Variants in CNGB1 observed in about 807,000 individuals in gnomAD.
CNGB1 encodes the protein cyclic nucleotide-gated channel beta-1.
CNGB1 carries 126 observed loss-of-function variants against 151.7 expected under a neutral mutation model. The ratio of observed to expected loss-of-function variants is 0.83; its 90% CI spans 0.72 to 0.96. The LOEUF is 0.96. CNGB1 is among the 40% of genes least tolerant of loss of function. The probability of loss-of-function intolerance (pLI) is 0.00; values close to 1 mark genes in which losing one functional copy is unlikely to be tolerated. For missense variants in CNGB1, 1,698 were observed against 1,627.0 expected, an observed-to-expected ratio of 1.04 and a Z score of -0.75; for synonymous variants, 623 against 635.1, an observed-to-expected ratio of 0.98 and a Z score of 0.29.
At position 57,912,995 on chromosome 16, in the gene CNGB1, C is replaced by T. The variant is rs767311166; in HGVS notation, c.2305-1G>A. On this transcript the variant is annotated splice_acceptor_variant, in intron 23 of 32. Coordinates refer to ENST00000251102, the MANE Select transcript of CNGB1 (RefSeq NM_001297.5). LOFTEE classifies it high-confidence loss of function. ...TGTTAAACTCGAAGAAGGCCATGTA[C>T]TGGAGGGAGAGGAGGGCGTGAGAGC... The T allele has an allele frequency of 5.6e-6, 9 of 1,613,746 alleles. No individual in the cohort carries two copies. Among genetic ancestry groups the T allele is most frequent in the East Asian group, 2.2e-5 (1 of 44,888 alleles).
At chr16:57,931,398 A>G (rs1192541567) in intron 17 of CNGB1, among the ~76,000 whole-genome samples, 1 of 152,048 alleles carries the variant, frequency 6.6e-6, no homozygotes, top group Non-Finnish European at 1.5e-5. Flanking sequence ...CAAACGATCC[A>G]CCCACCTCAG....
In CNGB1 at chr16:57,940,263, C is replaced by G. The variant is rs564874122; in HGVS notation, c.1180G>C (p.Gly394Arg). ...TCTGAAGTGCTCTGGGGCCGGGTCC[C>G]GTCTTCTTCACTCTGGCCCACGCCC... Reference protein sequence around the residue: ...QVGVGQSEEDGTRPQSTSDQK... With the variant: ...QVGVGQSEEDRTRPQSTSDQK... The change falls in exon 15 of 33, where the codon GGG becomes CGG. Residue 394 changes from glycine to arginine, a missense_variant. Coordinates refer to ENST00000251102, the MANE Select transcript of CNGB1 (RefSeq NM_001297.5). 9 of 1,577,580 alleles carry G rather than the reference C, an allele frequency of 5.7e-6. No homozygotes were observed. In the South Asian group the frequency reaches 9.3e-5, roughly 16 times the overall value.
rs1266445258 is a variant in CNGB1, at chr16:57,939,419, AC to A, written c.1372+10del. 6 of 1,613,874 alleles carry A rather than the reference AC, an allele frequency of 3.7e-6. No individual in the cohort carries two copies. In the African/African-American group the frequency reaches 4.0e-5, roughly 11 times the overall value. On this transcript the variant is annotated intron_variant, in intron 16 of 32. Transcript: ENST00000251102. ...TCTTGCGCAACCCATCACCACCACC[AC>A]CACACCTACCTCCTGAACTGGCAGC...
At chr16:57,964,827 C>A (rs1480202159) in intron 2 of CNGB1, among the ~76,000 whole-genome samples, 1 of 152,188 alleles carries the variant, frequency 6.6e-6, no homozygotes, top group African/African-American at 2.4e-5. Flanking sequence ...AGGAGGCTGC[C>A]CCACTTCAGT....
chr16:57,932,083 G>A (rs1398044436), intron 16 of CNGB1, among the ~76,000 whole-genome samples: 3 of 152,178 alleles, frequency 2.0e-5, no homozygotes, highest in Non-Finnish European at 4.4e-5. Context: ...ACAGCCACCA[G>A]CCCAGGAGCC....
At chr16:57,924,694 A>G (rs552391988) in intron 17 of CNGB1, among the ~76,000 whole-genome samples, 7 of 152,178 alleles carry the variant, frequency 4.6e-5, no homozygotes, top group African/African-American at 1.7e-4. Flanking sequence ...TGTAATCCCC[A>G]GTGTTGGCGG....
chr16:57,912,158 G>A (rs1369591434), intron 24 of CNGB1, among the ~76,000 whole-genome samples: 1 of 152,018 alleles, frequency 6.6e-6, no homozygotes, highest in Admixed American at 6.6e-5. Context: ...GTGTGCAGAG[G>A]AGTTGAGTTG....
intron 10 of CNGB1, 113 bp downstream of exon 10, chr16:57,959,775 C>T: frequency 7.6e-7 from 1 of 1,322,530 alleles, no homozygotes; most frequent in Admixed American, 3.1e-5. Flanking sequence ...GGGAAGGAGG[C>T]TGCACACATC....
chr16:57,904,029 G>A, intron 26 of CNGB1, 48 bp from the exon 27 acceptor site: 3 of 1,577,148 alleles, frequency 1.9e-6, no homozygotes, highest in Non-Finnish European at 2.6e-6. Context: ...GGTCATTGGG[G>A]GTGGGCGCTA....
At position 57,887,897 on chromosome 16, in the gene CNGB1, G is replaced by A. The variant is rs371860152; in HGVS notation, c.3420C>T (p.Ala1140=). ...AHLRARLKEL[A]ALEAAAKQQE... ...GCTGCTTTGCAGCCGCCTCCAGCGC[G>A]GCCAGTTCTTTGAGCCGGGCCCGGA... Residue 1140 remains alanine, a synonymous_variant, in exon 32 of 33, where the codon GCC becomes GCT. Transcript: ENST00000251102. The A allele has an allele frequency of 9.2e-5, 149 of 1,614,150 alleles. No homozygotes were observed. In the East Asian group the frequency reaches 1.3e-3, roughly 14 times the overall value.
At chr16:57,947,983 T>C (rs1961850260) in intron 14 of CNGB1, among the ~76,000 whole-genome samples, 1 of 152,188 alleles carries the variant, frequency 6.6e-6, no homozygotes, top group African/African-American at 2.4e-5. Context: ...CCAAAGCCTG[T>C]GCTCCTAACA....
intron 31 of CNGB1, among the ~76,000 whole-genome samples, chr16:57,890,946 C>T (rs11862724): frequency 0.032 from 4,908 of 152,330 alleles, 249 homozygotes; most frequent in African/African-American, 0.11. Context: ...TAGCCCCATT[C>T]CTTCGCCTGG....
chr16:57,935,644 TC>T (rs201311794), intron 16 of CNGB1, among the ~76,000 whole-genome samples: 12 of 147,198 alleles, frequency 8.2e-5, no homozygotes, highest in African/African-American at 2.0e-4. Context: ...CAAGACTCCG[TC>T]CCCCCCCAAA....
intron 11 of CNGB1, among the ~76,000 whole-genome samples, chr16:57,958,165 C>A (rs74019737): frequency 0.031 from 4,788 of 152,290 alleles, 248 homozygotes; most frequent in African/African-American, 0.11. Flanking sequence ...GGAGGCTCCA[C>A]TTCTGTGCCC....
chr16:57,885,572 CTCTCTCTTTCTTTCTTTCTT>C (rs1198737532), intron 32 of CNGB1, among the ~76,000 whole-genome samples: 4 of 101,006 alleles, frequency 4.0e-5, no homozygotes, highest in East Asian at 2.7e-4. Flanking sequence ...CTCTCTCTCT[CTCTCTCTTTCTTTCTTTCTT>C]TCTTTCTTTC....
chr16:57,939,942 C>T (rs1961619691), intron 15 of CNGB1, among the ~76,000 whole-genome samples: 1 of 152,162 alleles, frequency 6.6e-6, no homozygotes, highest in Non-Finnish European at 1.5e-5. Flanking sequence ...GCGTCTGTAG[C>T]CCCCTCGTGC....
At chr16:57,926,173 G>A (rs995309813) in intron 17 of CNGB1, among the ~76,000 whole-genome samples, 2 of 152,210 alleles carry the variant, frequency 1.3e-5, no homozygotes, top group Non-Finnish European at 2.9e-5. Context: ...TGGAGTGTCA[G>A]AGGAGGAGCC....
chr16:57,926,490 A>G (rs563091573), intron 17 of CNGB1, among the ~76,000 whole-genome samples: 1 of 152,332 alleles, frequency 6.6e-6, no homozygotes, highest in East Asian at 1.9e-4. Flanking sequence ...ATCCACCTTG[A>G]TTCCAGAAGG....
chr16:57,952,629 T>C (rs554424648), intron 12 of CNGB1, among the ~76,000 whole-genome samples: 1 of 150,070 alleles, frequency 6.7e-6, no homozygotes, highest in South Asian at 2.1e-4. Flanking sequence ...GCTTCCCGAG[T>C]AGCTGGGATT....
Sources: gnomAD v4.1 joint callset for allele counts (sites outside exome capture counted in the v4.1 genomes callset) on GRCh38, gnomAD v4.1.1 for gene constraint, MANE v1.5 for transcripts, NCBI Gene and HGNC (gene_info 2026-07-23, HGNC 2026-07-21) for gene names.